PPP2R2C: variants seen among roughly 807,000 people sequenced by gnomAD.
PPP2R2C encodes the protein protein phosphatase 2, regulatory subunit B, gamma.
In PPP2R2C, 10 loss-of-function variants were observed where a neutral mutation model predicts 45.3. The ratio of observed to expected loss-of-function variants is 0.22; its 90% CI spans 0.14 to 0.37. PPP2R2C has a LOEUF of 0.37. Ranked by LOEUF, PPP2R2C falls within the 10% of genes least tolerant of loss-of-function variation. The pLI is 1.00. For missense variants in PPP2R2C, 308 were observed against 619.7 expected (o/e 0.50, Z 5.34); for synonymous variants, 257 against 245.4 (o/e 1.05, Z -0.44).
chr4:6,377,100 C>A (rs1715368251), intron 3 of PPP2R2C, among the ~76,000 whole-genome samples: 2 of 152,226 alleles, frequency 1.3e-5, no homozygotes, highest in Non-Finnish European at 2.9e-5. Context: ...CGAGGATAGC[C>A]TTCAGGCACA....
At chr4:6,438,476 C>T (rs1405842093) in intron 1 of PPP2R2C, among the ~76,000 whole-genome samples, 2 of 152,220 alleles carry the variant, frequency 1.3e-5, no homozygotes, top group East Asian at 3.8e-4. Flanking sequence ...CATGTCCCAG[C>T]CATAATTCAG....
chr4:6,517,210 C>T (rs937383637), intron 2 of PPP2R2C, among the ~76,000 whole-genome samples: 1 of 152,120 alleles, frequency 6.6e-6, no homozygotes, highest in African/African-American at 2.4e-5. Flanking sequence ...ACTGATCTTC[C>T]CCTGTGATGC....
At chr4:6,506,429 A>G (rs1232184067) in intron 2 of PPP2R2C, among the ~76,000 whole-genome samples, 1 of 152,204 alleles carries the variant, frequency 6.6e-6, no homozygotes, top group Non-Finnish European at 1.5e-5. Context: ...GAACACAGCT[A>G]TGCCAACATT....
chr4:6,410,011 T>C (rs1464740602), intron 1 of PPP2R2C, among the ~76,000 whole-genome samples: 2 of 152,206 alleles, frequency 1.3e-5, no homozygotes, highest in African/African-American at 2.4e-5. Context: ...ATCATCTGCA[T>C]GACATGTGTC....
At chr4:6,410,645 C>A (rs998334988) in intron 1 of PPP2R2C, among the ~76,000 whole-genome samples, 5 of 151,940 alleles carry the variant, frequency 3.3e-5, no homozygotes, top group African/African-American at 1.2e-4. Context: ...TGTGGCTGGA[C>A]GTGAAGCAAC....
intron 1 of PPP2R2C, among the ~76,000 whole-genome samples, chr4:6,455,227 T>C (rs1720959339): frequency 6.6e-6 from 1 of 152,156 alleles, no homozygotes; most frequent in Non-Finnish European, 1.5e-5. Context: ...CTAGACAACA[T>C]CATATTCAAA....
chr4:6,326,649 G>A (rs1474831964), intron 8 of PPP2R2C, among the ~76,000 whole-genome samples: 3 of 152,322 alleles, frequency 2.0e-5, no homozygotes, highest in Admixed American at 2.0e-4. Context: ...AAGCGGCCAC[G>A]AAGGCCAGTT....
In PPP2R2C at chr4:6,409,707, A is replaced by G. The variant is rs1718026712; in HGVS notation, c.71-28613T>C. The stretch of plus-strand genomic sequence containing the variant: ...ACCCCCCCATATCCCAGCCCTGGAG[A>G]CACTAAGGTTGGTCGGGGTTCAGGA... On this transcript the variant is annotated intron_variant, in intron 1 of 8. Transcript: ENST00000382599. Among the ~76,000 whole-genome samples the G allele has an allele frequency of 2.6e-5, 4 of 152,244 alleles. No individual in the cohort carries two copies. The South Asian group carries it at 8.3e-4, about 32-fold the overall frequency.
At chr4:6,369,619 A>G (rs1478819833) in intron 5 of PPP2R2C, among the ~76,000 whole-genome samples, 1 of 152,210 alleles carries the variant, frequency 6.6e-6, no homozygotes, top group South Asian at 2.1e-4. Context: ...TGCCTGCACC[A>G]TCCACAGTGC....
Position 6,324,837 on chromosome 4 carries a change from G to A in PPP2R2C, c.1053-1244C>T, listed in dbSNP as rs918012427. 5.9e-5 allele frequency among the ~76,000 whole-genome samples: 9 copies of A among 152,254 alleles called. No homozygotes were observed. Among genetic ancestry groups the A allele is most frequent in the African/African-American group, 1.7e-4 (7 of 41,468 alleles). On this transcript the variant is annotated intron_variant, in intron 8 of 8. Coordinates refer to ENST00000382599, the MANE Select transcript of PPP2R2C (RefSeq NM_020416.4). The surrounding 1 kb of genome is among the most constrained non-coding windows in gnomAD (Gnocchi z 4.1). ...TCTGTGGGCCTGCGCCCAGAGGGAG[G>A]GTTTTGGGGTTTGGCCTCTGCAGGG... is the stretch of plus-strand genomic sequence containing the variant.
rs1468643840 is a variant in PPP2R2C at position 6,332,874 on chromosome 4, G to C, written c.960+688C>G. The stretch of plus-strand genomic sequence containing the variant: ...GATCTTACCCATCCTTCAAGGCCCA[G>C]CACAAATGCCACCTCCTCCAAGAAG... On this transcript the variant is annotated intron_variant, in intron 7 of 8. Coordinates refer to ENST00000382599, the MANE Select transcript of PPP2R2C (RefSeq NM_020416.4). The surrounding 1 kb of genome is among the most constrained non-coding windows in gnomAD (Gnocchi z 4.9). 6.6e-6 allele frequency among the ~76,000 whole-genome samples: 1 copy of C among 152,100 alleles called. No homozygotes were observed. The highest frequency in any genetic ancestry group is 6.5e-5 in the Admixed American group (1 of 15,268).
chr4:6,383,342 T>C (rs1715993411), intron 1 of PPP2R2C: 1 of 1,288,838 alleles, frequency 7.8e-7, no homozygotes, highest in Admixed American at 2.3e-5. Context: ...TGCAAGATGA[T>C]GAAAACATTT....
At position 6,328,179 on chromosome 4, in the gene PPP2R2C, G is replaced by T. The variant is rs942204512; in HGVS notation, c.1052+1083C>A. Reference sequence around the variant, plus strand: ...AGGTGATGCCCAAGTCAGGGCTGCTGGCTCTCACTCCACCCTCCTTGCCCA... The same window carrying T: ...AGGTGATGCCCAAGTCAGGGCTGCTTGCTCTCACTCCACCCTCCTTGCCCA... On this transcript the variant is annotated intron_variant, in intron 8 of 8. Coordinates refer to ENST00000382599, the MANE Select transcript of PPP2R2C (RefSeq NM_020416.4). This position sits in a 1 kb window ranked among gnomAD's most constrained non-coding sequence, Gnocchi z 4.4. 6.6e-6 allele frequency among the ~76,000 whole-genome samples: 1 copy of T among 152,214 alleles called. No homozygotes were observed. Among genetic ancestry groups the T allele is most frequent in the Non-Finnish European group, 1.5e-5 (1 of 68,026 alleles).
At chr4:6,554,072 G>A (rs1725278079) in intron 1 of PPP2R2C, among the ~76,000 whole-genome samples, 1 of 152,188 alleles carries the variant, frequency 6.6e-6, no homozygotes, top group Non-Finnish European at 1.5e-5. Flanking sequence ...GCTATGGGTT[G>A]AACTGTGTGC....
intron 2 of PPP2R2C, among the ~76,000 whole-genome samples, chr4:6,502,847 G>A (rs2108795490): frequency 6.6e-6 from 1 of 152,244 alleles, no homozygotes; most frequent in South Asian, 2.1e-4. Context: ...CCTTGGAGAT[G>A]TCCTGGATGC....
At chr4:6,502,144 C>T (rs1723077954) in intron 2 of PPP2R2C, among the ~76,000 whole-genome samples, 1 of 152,126 alleles carries the variant, frequency 6.6e-6, no homozygotes, top group Non-Finnish European at 1.5e-5. Context: ...GTTTCTTTTC[C>T]ATGTAAGAAT....
chr4:6,349,161 C>T, intron 5 of PPP2R2C: 1 of 985,410 alleles, frequency 1.0e-6, no homozygotes. Flanking sequence ...ACAGAAAGGC[C>T]CTCTCCCCTC....
At chr4:6,449,596 C>T (rs751393586) in intron 1 of PPP2R2C, among the ~76,000 whole-genome samples, 14 of 152,248 alleles carry the variant, frequency 9.2e-5, no homozygotes, top group Non-Finnish European at 1.8e-4. Flanking sequence ...CACATCCTCA[C>T]GTGGTTGCAC....
chr4:6,524,142 G>C (rs910261564), intron 2 of PPP2R2C, among the ~76,000 whole-genome samples: 1 of 151,870 alleles, frequency 6.6e-6, no homozygotes, highest in African/African-American at 2.4e-5. Flanking sequence ...GGCTGGTCTC[G>C]AACTCCTGAC....
Sources: allele counts gnomAD v4.1 joint callset (sites outside exome capture counted in the v4.1 genomes callset), GRCh38; gene constraint gnomAD v4.1.1; non-coding constraint Gnocchi (gnomAD v3.1); transcripts MANE v1.5; gene names NCBI Gene and HGNC (gene_info 2026-07-23, HGNC 2026-07-21).